The following PRKD1 variants were observed in gnomAD, a reference collection of about 807,000 sequenced individuals.
PRKD1 encodes serine/threonine-protein kinase D1.
In PRKD1, 63 loss-of-function variants were observed where a neutral mutation model predicts 95.9. The observed-to-expected ratio is 0.66, with a 90% confidence interval of 0.54 to 0.81. The LOEUF (loss-of-function observed/expected upper bound fraction) is 0.81. PRKD1 is among the 30% of genes least tolerant of loss of function. The probability of loss-of-function intolerance (pLI) is 0.00; values close to 1 mark genes in which losing one functional copy is unlikely to be tolerated. For synonymous variants in PRKD1, 425 were observed against 423.1 expected, an observed-to-expected ratio of 1.00 and a Z score of -0.05; for missense variants, 1,048 against 1,165.3, an observed-to-expected ratio of 0.90 and a Z score of 1.47.
At chr14:29,853,120 GAAA>G (rs1892370613) in intron 1 of PRKD1, among the ~76,000 whole-genome samples, 3 of 152,038 alleles carry the variant, frequency 2.0e-5, no homozygotes. Context: ...CTTTAAATCA[GAAA>G]AGATTACAAG....
At position 29,786,572 on chromosome 14, in the gene PRKD1, C is replaced by T. The variant is rs142342948; in HGVS notation, c.265-60898G>A. ...TTTCTTCTGGTTCAATCTTGATAGG[C>T]TGTGTGTGTCCAAGAATTTGCCTGT... On this transcript the variant is annotated intron_variant, in intron 1 of 17. Coordinates refer to ENST00000331968, the MANE Select transcript of PRKD1 (RefSeq NM_002742.3). Among the ~76,000 whole-genome samples, 813 of 152,188 alleles carry T rather than the reference C, an allele frequency of 5.3e-3. 13 individuals carry two copies. Among genetic ancestry groups the T allele is most frequent in the African/African-American group, 0.018 (753 of 41,554 alleles).
chr14:29,745,171 A>G (rs990813061), intron 1 of PRKD1, among the ~76,000 whole-genome samples: 1 of 152,198 alleles, frequency 6.6e-6, no homozygotes, highest in East Asian at 1.9e-4. Context: ...CACAAGGAAT[A>G]TAACAGTTCC....
chr14:29,675,566 T>C (rs1883108242), intron 2 of PRKD1, among the ~76,000 whole-genome samples: 1 of 152,168 alleles, frequency 6.6e-6, no homozygotes, highest in Non-Finnish European at 1.5e-5. Flanking sequence ...TGGAAGACAG[T>C]GTGGCGATTC....
At chr14:29,701,848 G>T (rs1448804481) in intron 2 of PRKD1, among the ~76,000 whole-genome samples, 1 of 152,088 alleles carries the variant, frequency 6.6e-6, no homozygotes, top group Non-Finnish European at 1.5e-5. Flanking sequence ...AGCATAATAT[G>T]ATCTGAGGCT....
At chr14:29,810,127 C>T (rs2139240455) in intron 1 of PRKD1, among the ~76,000 whole-genome samples, 1 of 152,118 alleles carries the variant, frequency 6.6e-6, no homozygotes. Flanking sequence ...TTTGGTATAT[C>T]AAAACAATTA....
chr14:29,612,178 C>CCTTA (rs1878515779), intron 13 of PRKD1, among the ~76,000 whole-genome samples: 1 of 152,080 alleles, frequency 6.6e-6, no homozygotes, highest in South Asian at 2.1e-4. Context: ...AATGGTAATA[C>CCTTA]CTTACATCTG....
chr14:29,705,239 C>T (rs906690739), intron 2 of PRKD1, among the ~76,000 whole-genome samples: 5 of 152,006 alleles, frequency 3.3e-5, no homozygotes, highest in Non-Finnish European at 7.4e-5. Context: ...CATTTTTATC[C>T]TTATATTCCA....
chr14:29,638,610 A>G (rs1179476743), intron 5 of PRKD1, 44 bp from the exon 6 acceptor site: 3 of 1,612,864 alleles, frequency 1.9e-6, no homozygotes, highest in African/African-American at 2.7e-5. Context: ...AGAATTTGTC[A>G]TAAAGAAAAG....
At chr14:29,868,129 T>C (rs549863464) in intron 1 of PRKD1, among the ~76,000 whole-genome samples, 1 of 152,310 alleles carries the variant, frequency 6.6e-6, no homozygotes, top group East Asian at 1.9e-4. Flanking sequence ...ACCTTATGTC[T>C]GGCCAAGTGT....
chr14:29,581,368 ATTCT>A (rs1449035643), intron 16 of PRKD1, among the ~76,000 whole-genome samples: 5 of 152,152 alleles, frequency 3.3e-5, no homozygotes, highest in Non-Finnish European at 2.9e-5. Flanking sequence ...AGGGGTTTTC[ATTCT>A]TTTTTAAAAA....
intron 1 of PRKD1, among the ~76,000 whole-genome samples, chr14:29,916,032 T>C (rs545810022): frequency 6.6e-6 from 1 of 152,282 alleles, no homozygotes; most frequent in East Asian, 1.9e-4. Flanking sequence ...AAAGTAAATG[T>C]CAGGAAGGTT....
Position 29,886,412 on chromosome 14 carries a change from T to C in PRKD1, c.264+40837A>G, listed in dbSNP as rs72660439. 3.4e-3 allele frequency among the ~76,000 whole-genome samples: 523 copies of C among 152,304 alleles called. 2 individuals are homozygous for C. The highest frequency in any genetic ancestry group is 0.014 in the South Asian group (69 of 4,832). On this transcript the variant is annotated intron_variant, in intron 1 of 17. Coordinates refer to ENST00000331968, the MANE Select transcript of PRKD1 (RefSeq NM_002742.3). ...GATACATCCAGATCCAGGTAGAACA[T>C]GAGAAAATCTCAGATGAAAGGAGCC...
intron 1 of PRKD1, among the ~76,000 whole-genome samples, chr14:29,909,279 C>G (rs1025875853): frequency 1.3e-5 from 2 of 149,126 alleles, no homozygotes; most frequent in Non-Finnish European, 3.0e-5. Flanking sequence ...GAGCCTCCCC[C>G]CTACCCAACC....
chr14:29,578,458 G>A, intron 16 of PRKD1, 98 bp from the exon 17 acceptor site: 1 of 633,330 alleles, frequency 1.6e-6, no homozygotes, highest in Non-Finnish European at 2.2e-6. Flanking sequence ...ACAGTTAAAT[G>A]CAGCATAGTG....
chr14:29,921,324 G>A (rs559213851), intron 1 of PRKD1, among the ~76,000 whole-genome samples: 1 of 151,924 alleles, frequency 6.6e-6, no homozygotes, highest in African/African-American at 2.4e-5. Flanking sequence ...GGAAAAAGAT[G>A]TCACCTGGGC....
chr14:29,707,320 G>A (rs749091276), intron 2 of PRKD1, among the ~76,000 whole-genome samples: 2 of 152,146 alleles, frequency 1.3e-5, no homozygotes, highest in Non-Finnish European at 2.9e-5. Context: ...CAGTGAGAAA[G>A]GTGGGAGAAT....
At chr14:29,787,132 T>C (rs1889309088) in intron 1 of PRKD1, among the ~76,000 whole-genome samples, 1 of 151,932 alleles carries the variant, frequency 6.6e-6, no homozygotes, top group Admixed American at 6.6e-5. Flanking sequence ...TGTATTTGTA[T>C]AGTTTCCAAA....
chr14:29,697,085 G>A (rs541931962), intron 2 of PRKD1, among the ~76,000 whole-genome samples: 75 of 151,270 alleles, frequency 5.0e-4, no homozygotes, highest in African/African-American at 1.7e-3. Context: ...AAAGAAGCTG[G>A]TTGGGCCCAA....
At chr14:29,590,242 T>A (rs975861377) in intron 16 of PRKD1, among the ~76,000 whole-genome samples, 18 of 152,240 alleles carry the variant, frequency 1.2e-4, no homozygotes, top group Non-Finnish European at 1.9e-4. Flanking sequence ...AGATGAATAA[T>A]TTCATTCCAG....
Sources: gnomAD v4.1 joint callset for allele counts (sites outside exome capture counted in the v4.1 genomes callset) on GRCh38, gnomAD v4.1.1 for gene constraint, MANE v1.5 for transcripts, NCBI Gene and HGNC (gene_info 2026-07-23, HGNC 2026-07-21) for gene names.